The following MAP4K4 variants were observed in gnomAD, a reference collection of about 807,000 sequenced individuals.
MAP4K4 encodes HPK/GCK-like kinase HGK.
MAP4K4 carries 38 observed loss-of-function variants against 189.6 expected under a neutral mutation model. The ratio of observed to expected loss-of-function variants is 0.20; its 90% CI spans 0.15 to 0.26. The LOEUF is 0.26. Ranked by LOEUF, MAP4K4 falls within the 10% of genes least tolerant of loss-of-function variation. The pLI is 1.00. For missense variants in MAP4K4, 1,054 were observed against 1,726.9 expected (o/e 0.61, Z 6.91); for synonymous variants, 610 against 624.3 (o/e 0.98, Z 0.34).
intron 6 of MAP4K4, among the ~76,000 whole-genome samples, chr2:101,830,423 T>C (rs1416548929): frequency 1.3e-5 from 2 of 152,206 alleles, no homozygotes; most frequent in Non-Finnish European, 2.9e-5. Context: ...CATTCCACTT[T>C]CATCTAAGTG....
intron 3 of MAP4K4, among the ~76,000 whole-genome samples, chr2:101,822,055 T>C (rs2096088474): frequency 6.6e-6 from 1 of 152,196 alleles, no homozygotes; most frequent in Non-Finnish European, 1.5e-5. Context: ...TCTCCTATAA[T>C]AACAATGCCT....
intron 19 of MAP4K4, among the ~76,000 whole-genome samples, chr2:101,866,913 T>C (rs541061945): frequency 2.0e-5 from 3 of 151,354 alleles, no homozygotes; most frequent in African/African-American, 7.3e-5. Flanking sequence ...ATTGGTTATT[T>C]TAATGTACTC....
chr2:101,744,121 T>C (rs1428865948), intron 2 of MAP4K4, among the ~76,000 whole-genome samples: 2 of 151,748 alleles, frequency 1.3e-5, no homozygotes, highest in Admixed American at 6.6e-5. Flanking sequence ...TAAAACAAAA[T>C]GTCAGGGAAG....
chr2:101,816,421 CCTT>C (rs2095717798), intron 3 of MAP4K4, among the ~76,000 whole-genome samples: 1 of 152,198 alleles, frequency 6.6e-6, no homozygotes, highest in Non-Finnish European at 1.5e-5. Context: ...GAGCTGTACT[CCTT>C]GTTGCCATTC....
chr2:101,791,625 A>G (rs967768915), intron 3 of MAP4K4, among the ~76,000 whole-genome samples: 7 of 152,212 alleles, frequency 4.6e-5, no homozygotes, highest in African/African-American at 1.7e-4. Flanking sequence ...AAATCCAGCC[A>G]TAACTTCCCC....
At chr2:101,759,205 G>A (rs1407857331) in intron 2 of MAP4K4, among the ~76,000 whole-genome samples, 1 of 151,782 alleles carries the variant, frequency 6.6e-6, no homozygotes, top group African/African-American at 2.4e-5. Flanking sequence ...ACTATAAGGG[G>A]TCATTCAGTT....
chr2:101,844,680 C>T (rs922669986), intron 12 of MAP4K4, among the ~76,000 whole-genome samples: 15 of 152,152 alleles, frequency 9.9e-5, no homozygotes, highest in African/African-American at 1.9e-4. Context: ...CTTTTCTACT[C>T]TCAGCCTCTG....
At chr2:101,830,619 T>C (rs570095967) in intron 6 of MAP4K4, among the ~76,000 whole-genome samples, 1 of 152,316 alleles carries the variant, frequency 6.6e-6, no homozygotes, top group South Asian at 2.1e-4. Context: ...GTTGGTTTTC[T>C]ATGGAGGAAT....
intron 16 of MAP4K4, chr2:101,862,279 G>A (rs928587871): frequency 6.7e-6 from 1 of 148,646 alleles, no homozygotes; most frequent in Admixed American, 6.7e-5. Flanking sequence ...GGAACAGCTA[G>A]GACTGAGGCC....
intron 3 of MAP4K4, among the ~76,000 whole-genome samples, chr2:101,791,155 T>C (rs1351957184): frequency 6.6e-6 from 1 of 152,094 alleles, no homozygotes; most frequent in Non-Finnish European, 1.5e-5. Flanking sequence ...TTCTCTAGGG[T>C]ATTAGGCCAC....
chr2:101,751,578 T>C (rs575739250), intron 2 of MAP4K4, among the ~76,000 whole-genome samples: 1 of 152,310 alleles, frequency 6.6e-6, no homozygotes, highest in East Asian at 1.9e-4. Flanking sequence ...TTCCATGTAT[T>C]TAAAATGGAA....
intron 2 of MAP4K4, among the ~76,000 whole-genome samples, chr2:101,749,926 C>T (rs1194508819): frequency 4.4e-5 from 5 of 113,400 alleles, no homozygotes; most frequent in Admixed American, 1.7e-4. Context: ...TCATCACTGG[C>T]CATCAGAGAA....
chr2:101,706,876 A>G (rs1292877466), intron 2 of MAP4K4, among the ~76,000 whole-genome samples: 1 of 152,166 alleles, frequency 6.6e-6, no homozygotes, highest in Admixed American at 6.5e-5. Flanking sequence ...CCTTTTTCTT[A>G]TCACTGCCTC....
intron 2 of MAP4K4, among the ~76,000 whole-genome samples, chr2:101,761,550 C>CT (rs1006689878): frequency 0.053 from 6,748 of 126,950 alleles, 322 homozygotes; most frequent in African/African-American, 0.12. Context: ...TGGGAGCATT[C>CT]TTTTTTTTTT....
chr2:101,780,262 C>G (rs1051260877), intron 2 of MAP4K4, among the ~76,000 whole-genome samples: 2 of 152,266 alleles, frequency 1.3e-5, no homozygotes, highest in Admixed American at 6.5e-5. Flanking sequence ...TCCCTTTCAT[C>G]CCTTAATCTC....
At chr2:101,699,138 C>G (rs1312854996) in intron 2 of MAP4K4, among the ~76,000 whole-genome samples, 4 of 152,168 alleles carry the variant, frequency 2.6e-5, no homozygotes, top group Non-Finnish European at 5.9e-5. Flanking sequence ...ATTATAAAAT[C>G]TGAATTCCAG....
intron 3 of MAP4K4, among the ~76,000 whole-genome samples, chr2:101,807,081 T>C (rs2095022635): frequency 6.6e-6 from 1 of 150,560 alleles, no homozygotes; most frequent in African/African-American, 2.4e-5. Context: ...AGTGTCTGTC[T>C]CACTCTTGTC....
intron 9 of MAP4K4, among the ~76,000 whole-genome samples, chr2:101,837,713 A>G (rs1342801562): frequency 6.6e-6 from 1 of 152,056 alleles, no homozygotes; most frequent in African/African-American, 2.4e-5. Flanking sequence ...TATCTCTCTC[A>G]GATTTTGTTG....
At position 101,878,901 on chromosome 2, in the gene MAP4K4, A is replaced by T. The variant is rs561226309; in HGVS notation, c.3385+1755A>T. Among the ~76,000 whole-genome samples the T allele has an allele frequency of 2.0e-5, 3 of 152,320 alleles. No homozygotes were observed. The East Asian group carries it at 5.8e-4, about 29-fold the overall frequency. On this transcript the variant is annotated intron_variant, in intron 27 of 32. Transcript: ENST00000324219. Reference sequence around the variant, plus strand: ...AAGTAAAGGAGTTTCTTGAAATGCAAAAATTTCACTATTTATACTTAAATG... The same window carrying T: ...AAGTAAAGGAGTTTCTTGAAATGCATAAATTTCACTATTTATACTTAAATG...
Sources: gnomAD v4.1 joint callset for allele counts (sites outside exome capture counted in the v4.1 genomes callset) on GRCh38, gnomAD v4.1.1 for gene constraint, MANE v1.5 for transcripts, NCBI Gene and HGNC (gene_info 2026-07-23, HGNC 2026-07-21) for gene names.